Variants in ANGPT1 observed in about 807,000 individuals in gnomAD.
The protein encoded by ANGPT1 is angiopoietin-1.
A neutral mutation model predicts 62.2 loss-of-function variants in ANGPT1; 17 were observed. That is an observed-to-expected ratio of 0.27 (90% CI 0.19 to 0.41). The LOEUF (loss-of-function observed/expected upper bound fraction) is 0.41. ANGPT1 is among the 10% of genes least tolerant of loss of function. The probability of loss-of-function intolerance (pLI) is 1.00; values close to 1 mark genes in which losing one functional copy is unlikely to be tolerated. For missense variants in ANGPT1, 478 were observed against 594.9 expected (o/e 0.80, Z 2.04); for synonymous variants, 199 against 198.9 (o/e 1.00, Z 0.00).
At chr8:107,311,854 G>A (rs1814873253) in intron 4 of ANGPT1, among the ~76,000 whole-genome samples, 1 of 152,126 alleles carries the variant, frequency 6.6e-6, no homozygotes, top group Admixed American at 6.5e-5. Flanking sequence ...CACAAGGTCA[G>A]GAGATGGAGA....
At chr8:107,494,587 T>C (rs977142826) in intron 1 of ANGPT1, 9 of 152,214 alleles carry the variant, frequency 5.9e-5, no homozygotes, top group African/African-American at 1.9e-4. Context: ...CAAGTGATTA[T>C]GGAAAGTTGA....
At chr8:107,367,707 G>A (rs1816305513) in intron 1 of ANGPT1, among the ~76,000 whole-genome samples, 2 of 152,138 alleles carry the variant, frequency 1.3e-5, no homozygotes, top group African/African-American at 4.8e-5. Flanking sequence ...TAAATCCTCT[G>A]TTGTCATTTC....
chr8:107,473,456 T>TA (rs200655583), intron 1 of ANGPT1, among the ~76,000 whole-genome samples: 4 of 150,834 alleles, frequency 2.7e-5, no homozygotes, highest in Non-Finnish European at 4.4e-5. Context: ...TCAGGTTGTC[T>TA]AAAAAAAAAG....
intron 6 of ANGPT1, among the ~76,000 whole-genome samples, chr8:107,288,972 A>T (rs1814209252): frequency 6.6e-6 from 1 of 152,142 alleles, no homozygotes; most frequent in Non-Finnish European, 1.5e-5. Flanking sequence ...TTCTGTGCTG[A>T]TATTGAAAAA....
intron 1 of ANGPT1, among the ~76,000 whole-genome samples, chr8:107,399,275 T>C (rs933539616): frequency 6.6e-6 from 1 of 152,110 alleles, no homozygotes; most frequent in Non-Finnish European, 1.5e-5. Context: ...TTTTCTAGAG[T>C]CAGTGACATA....
chr8:107,287,512 A>T (rs535053279), intron 6 of ANGPT1, among the ~76,000 whole-genome samples: 5 of 152,322 alleles, frequency 3.3e-5, no homozygotes, highest in African/African-American at 1.2e-4. Context: ...AGGTTTGAGT[A>T]CAATGAATCA....
chr8:107,391,394 C>T (rs1233804156), intron 1 of ANGPT1, among the ~76,000 whole-genome samples: 2 of 152,200 alleles, frequency 1.3e-5, no homozygotes, highest in Admixed American at 1.3e-4. Flanking sequence ...GGGCCAGGAG[C>T]AGTGGTTCAC....
chr8:107,344,248 CT>C (rs1371822074), intron 2 of ANGPT1, among the ~76,000 whole-genome samples: 1 of 152,014 alleles, frequency 6.6e-6, no homozygotes, highest in Non-Finnish European at 1.5e-5. Flanking sequence ...CCAAATTTGC[CT>C]GAGAAAGAAG....
At position 107,343,015 on chromosome 8, in the gene ANGPT1, T is replaced by G. The variant is rs1471119490; in HGVS notation, c.453+3927A>C. Among the ~76,000 whole-genome samples the G allele has an allele frequency of 2.5e-5, 3 of 119,540 alleles. No individual in the cohort carries two copies. The East Asian group carries it at 7.1e-4, about 28-fold the overall frequency. 78.4% of individuals were successfully genotyped at this position (119,540 alleles called of 152,430 possible). ...CATGCCTGGCTTTTTTTTTTTTTTTTGTAGAGATAGGATCTTGCTATTTTG... is the reference window on the plus strand; with the variant it reads ...CATGCCTGGCTTTTTTTTTTTTTTTGGTAGAGATAGGATCTTGCTATTTTG... On this transcript the variant is annotated intron_variant, in intron 2 of 8. Transcript: ENST00000517746.
intron 2 of ANGPT1, among the ~76,000 whole-genome samples, chr8:107,338,203 G>A (rs1815615517): frequency 6.6e-6 from 1 of 152,222 alleles, no homozygotes; most frequent in South Asian, 2.1e-4. Flanking sequence ...AGCAAGGCAG[G>A]AACTAGGCTG....
intron 4 of ANGPT1, among the ~76,000 whole-genome samples, chr8:107,308,270 G>A (rs1263112482): frequency 2.0e-5 from 3 of 152,060 alleles, no homozygotes; most frequent in Non-Finnish European, 4.4e-5. Context: ...AATTCAAGGT[G>A]GCTTAAGCAA....
chr8:107,474,816 A>C lies in ANGPT1; in HGVS notation c.297+22446T>G, dbSNP rs181530080. Among the ~76,000 whole-genome samples, 438 of 152,322 alleles carry C rather than the reference A, an allele frequency of 2.9e-3. 3 individuals are homozygous for C. Among genetic ancestry groups the C allele is most frequent in the South Asian group, 8.3e-3 (40 of 4,830 alleles). On this transcript the variant is annotated intron_variant, in intron 1 of 8. Transcript: ENST00000517746. ...TAGACAAACAGAGAGCCAAATCATG[A>C]GTGAACTCCCATTCACAATTGCTTC...
chr8:107,434,385 G>A (rs1811280760), intron 1 of ANGPT1, among the ~76,000 whole-genome samples: 1 of 152,270 alleles, frequency 6.6e-6, no homozygotes, highest in East Asian at 1.9e-4. Context: ...ATCATGGAAG[G>A]TTTTTAAGTG....
intron 8 of ANGPT1, among the ~76,000 whole-genome samples, chr8:107,257,996 T>G (rs112741277): frequency 1.6e-4 from 25 of 151,536 alleles, no homozygotes; most frequent in African/African-American, 5.8e-4. Flanking sequence ...TTCCTTTCTC[T>G]TCTTTTTGTT....
intron 1 of ANGPT1, among the ~76,000 whole-genome samples, chr8:107,462,887 C>T (rs967404227): frequency 6.6e-6 from 1 of 152,010 alleles, no homozygotes. Context: ...CAAAAGTTAA[C>T]CTGTTTCCCC....
chr8:107,356,598 C>A (rs1029937961), intron 1 of ANGPT1, among the ~76,000 whole-genome samples: 3 of 152,058 alleles, frequency 2.0e-5, no homozygotes, highest in African/African-American at 4.8e-5. Flanking sequence ...CCAGCCTAGG[C>A]AACAGAGTTA....
Position 107,347,103 on chromosome 8 carries a change from A to G in ANGPT1, c.298-6T>C. The G allele has an allele frequency of 6.2e-7, 1 of 1,612,234 alleles. No individual in the cohort carries two copies. On this transcript the variant is annotated splice_region_variant and splice_polypyrimidine_tract_variant and intron_variant, in intron 1 of 8. Transcript: ENST00000517746. ...TCCACAATGTAATTCTCAAGCTGCAAGAGATAAAGAACAAAACATATTACA... is the reference window on the plus strand; with the variant it reads ...TCCACAATGTAATTCTCAAGCTGCAGGAGATAAAGAACAAAACATATTACA...
chr8:107,386,572 G>T (rs1816735519), intron 1 of ANGPT1, among the ~76,000 whole-genome samples: 1 of 152,030 alleles, frequency 6.6e-6, no homozygotes, highest in African/African-American at 2.4e-5. Context: ...AATCACATAG[G>T]TTAGAAATAA....
chr8:107,382,762 G>A (rs1816664110), intron 1 of ANGPT1, among the ~76,000 whole-genome samples: 1 of 152,116 alleles, frequency 6.6e-6, no homozygotes, highest in African/African-American at 2.4e-5. Flanking sequence ...TGGAGTAAAT[G>A]AGGTGGAATG....
Sources: allele counts gnomAD v4.1 joint callset (sites outside exome capture counted in the v4.1 genomes callset), GRCh38; gene constraint gnomAD v4.1.1; transcripts MANE v1.5; gene names NCBI Gene and HGNC (gene_info 2026-07-23, HGNC 2026-07-21).